ATRNL1: variants seen among roughly 807,000 people sequenced by gnomAD.
The protein encoded by ATRNL1 is attractin like 1, also known as attractin-like protein 1.
ATRNL1 carries 95 observed loss-of-function variants against 182.7 expected under a neutral mutation model. That is an observed-to-expected ratio of 0.52 (90% CI 0.44 to 0.62). The LOEUF (loss-of-function observed/expected upper bound fraction) is 0.62, where lower values mean the gene tolerates loss of function less well. ATRNL1 is among the 20% of genes least tolerant of loss of function. The pLI is 0.00. For missense variants in ATRNL1, 1,471 were observed against 1,679.5 expected (o/e 0.88, Z 2.17); for synonymous variants, 576 against 568.3 (o/e 1.01, Z -0.19).
intron 15 of ATRNL1, among the ~76,000 whole-genome samples, chr10:115,286,605 C>T (rs1320732806): frequency 6.6e-6 from 1 of 151,642 alleles, no homozygotes; most frequent in Non-Finnish European, 1.5e-5. Context: ...CAGAGTAAAC[C>T]ACTGTATTAC....
chr10:115,816,889 T>C (rs1950178242), intron 27 of ATRNL1, among the ~76,000 whole-genome samples: 1 of 152,150 alleles, frequency 6.6e-6, no homozygotes, highest in African/African-American at 2.4e-5. Flanking sequence ...TGTCTGGAGC[T>C]ATGTGTGCGT....
chr10:115,475,255 A>C (rs1346676002), intron 24 of ATRNL1, among the ~76,000 whole-genome samples: 2 of 151,504 alleles, frequency 1.3e-5, no homozygotes, highest in African/African-American at 4.8e-5. Flanking sequence ...TTAATATCAT[A>C]GTGAATAATC....
intron 26 of ATRNL1, among the ~76,000 whole-genome samples, chr10:115,634,805 T>A (rs1858756668): frequency 6.6e-6 from 1 of 152,174 alleles, no homozygotes; most frequent in Non-Finnish European, 1.5e-5. Flanking sequence ...ATTGTCAGTG[T>A]CTAGATGTGC....
chr10:115,814,996 T>A (rs956838068), intron 27 of ATRNL1, among the ~76,000 whole-genome samples: 3 of 152,148 alleles, frequency 2.0e-5, no homozygotes, highest in African/African-American at 7.2e-5. Context: ...TAGTTTCAGG[T>A]AACATACCTG....
chr10:115,247,583 G>A (rs1226726991), intron 10 of ATRNL1, among the ~76,000 whole-genome samples: 1 of 152,118 alleles, frequency 6.6e-6, no homozygotes, highest in Non-Finnish European at 1.5e-5. Flanking sequence ...GGAAATGTAA[G>A]CTAGTACAGC....
Position 115,171,035 on chromosome 10 carries a change from A to G in ATRNL1, c.1093-2A>G. ...TATTAATATATGTATTTTAATTTAC[A>G]GGAAAACATCTTTATGTATGGAGGC... On this transcript the variant is annotated splice_acceptor_variant, in intron 7 of 28. Coordinates refer to ENST00000355044, the MANE Select transcript of ATRNL1 (RefSeq NM_207303.4). LOFTEE classifies it high-confidence loss of function. 1.3e-6 allele frequency: 2 copies of G among 1,510,606 alleles called. No homozygotes were observed. Among genetic ancestry groups the G allele is most frequent in the Non-Finnish European group, 1.8e-6 (2 of 1,121,924 alleles). The allele number at this position is 1,510,606 out of a possible 1,614,324, so 93.6% of individuals were successfully genotyped here.
chr10:115,454,186 C>T (rs1175488220), intron 21 of ATRNL1, among the ~76,000 whole-genome samples: 1 of 152,026 alleles, frequency 6.6e-6, no homozygotes, highest in Non-Finnish European at 1.5e-5. Flanking sequence ...TTCTTGGCAT[C>T]CTTGTTGAAG....
intron 10 of ATRNL1, among the ~76,000 whole-genome samples, chr10:115,242,293 A>C (rs1482052008): frequency 6.6e-6 from 1 of 151,990 alleles, no homozygotes; most frequent in Non-Finnish European, 1.5e-5. Flanking sequence ...CCAAAGAACT[A>C]AAAACAGTTT....
rs149288255 is a variant in ATRNL1 at position 115,655,165 on chromosome 10, T to A, written c.3796-72083T>A. On this transcript the variant is annotated intron_variant, in intron 26 of 28. Transcript: ENST00000355044. ...CAGCGGCCACAACATGAGTCAGAGA[T>A]GAGCTACCTATCCAAGTTCTTCCAA... 1.7e-3 allele frequency among the ~76,000 whole-genome samples: 256 copies of A among 152,282 alleles called. 1 individual carries two copies. Among genetic ancestry groups the A allele is most frequent in the African/African-American group, 5.9e-3 (244 of 41,566 alleles).
chr10:115,217,110 C>T (rs782376910), intron 9 of ATRNL1, among the ~76,000 whole-genome samples: 8 of 151,936 alleles, frequency 5.3e-5, no homozygotes, highest in Non-Finnish European at 8.8e-5. Context: ...TTATTTGAGA[C>T]GGAGTTTTAC....
chr10:115,932,294 C>A (rs1555121836), intron 28 of ATRNL1, among the ~76,000 whole-genome samples: 2 of 152,320 alleles, frequency 1.3e-5, no homozygotes, highest in African/African-American at 4.8e-5. Context: ...GGTCCTGGAT[C>A]ACTTAGCAAA....
chr10:115,815,404 G>GGTGTGT (rs1213640346), intron 27 of ATRNL1, among the ~76,000 whole-genome samples: 31 of 98,038 alleles, frequency 3.2e-4, no homozygotes, highest in Non-Finnish European at 5.5e-4. Flanking sequence ...ACTGGTATGT[G>GGTGTGT]GTGTGTGTGT....
At position 115,639,975 on chromosome 10, in the gene ATRNL1, C is replaced by A. The variant is rs564857239; in HGVS notation, c.3796-87273C>A. ...TCCTAATGCTCTCCCTCCCCTGGCC[C>A]CCTACACCCCGACCTGCCCAGTGTG... On this transcript the variant is annotated intron_variant, in intron 26 of 28. Transcript: ENST00000355044. 3.9e-5 allele frequency among the ~76,000 whole-genome samples: 6 copies of A among 152,090 alleles called. No homozygotes were observed. The South Asian group carries it at 1.2e-3, about 32-fold the overall frequency.
intron 24 of ATRNL1, among the ~76,000 whole-genome samples, chr10:115,491,563 A>C (rs1849302454): frequency 6.6e-6 from 1 of 151,496 alleles, no homozygotes. Flanking sequence ...AAAATCACCT[A>C]CTCAAGCCTC....
chr10:115,709,895 C>T (rs1230268569), intron 26 of ATRNL1, among the ~76,000 whole-genome samples: 1 of 151,976 alleles, frequency 6.6e-6, no homozygotes, highest in Non-Finnish European at 1.5e-5. Flanking sequence ...ACTGATTGAA[C>T]ACTTGTAATT....
chr10:115,331,935 C>T (rs1170021929), intron 18 of ATRNL1, among the ~76,000 whole-genome samples: 1 of 152,138 alleles, frequency 6.6e-6, no homozygotes, highest in African/African-American at 2.4e-5. Flanking sequence ...CATTGTGGCA[C>T]TCATAAACAT....
intron 28 of ATRNL1, among the ~76,000 whole-genome samples, chr10:115,921,396 C>T (rs2134562592): frequency 6.6e-6 from 1 of 152,178 alleles, no homozygotes; most frequent in East Asian, 1.9e-4. Context: ...ATATGTACAA[C>T]TTTTTGTATG....
intron 28 of ATRNL1, among the ~76,000 whole-genome samples, chr10:115,914,774 T>C (rs1952794237): frequency 6.6e-6 from 1 of 152,222 alleles, no homozygotes; most frequent in Admixed American, 6.5e-5. Context: ...GAAATGAGTA[T>C]GGGCTTTGCA....
At chr10:115,690,530 A>G (rs1362489715) in intron 26 of ATRNL1, among the ~76,000 whole-genome samples, 2 of 152,158 alleles carry the variant, frequency 1.3e-5, no homozygotes, top group Non-Finnish European at 2.9e-5. Flanking sequence ...AGCCACGGTC[A>G]GGTACCAGTC....
Sources: gnomAD v4.1 joint callset for allele counts (sites outside exome capture counted in the v4.1 genomes callset) on GRCh38, gnomAD v4.1.1 for gene constraint, MANE v1.5 for transcripts, NCBI Gene and HGNC (gene_info 2026-07-23, HGNC 2026-07-21) for gene names.